Variants in ELAVL2 observed in about 807,000 individuals in gnomAD.
The protein encoded by ELAVL2 is ELAV-like protein 2.
Under a neutral mutation model 34.6 loss-of-function variants are expected in ELAVL2, and 4 were observed. The observed-to-expected ratio is 0.12, with a 90% CI of 0.06 to 0.26. The LOEUF (loss-of-function observed/expected upper bound fraction) is 0.26. Among genes scored for constraint, ELAVL2 ranks in the 10% least tolerant of loss-of-function variants. The pLI, the probability that ELAVL2 is intolerant of heterozygous loss-of-function variation, is 1.00. For missense variants in ELAVL2, 432 were observed against 442.8 expected, an observed-to-expected ratio of 0.98 and a Z score of 0.22; for synonymous variants, 193 against 154.8, an observed-to-expected ratio of 1.25 and a Z score of -1.83.
rs1405985283 is a variant in ELAVL2, at chr9:23,825,797, G to A, written c.-16+9C>T. On this transcript the variant is annotated intron_variant, in intron 1 of 6. Coordinates refer to ENST00000397312, the MANE Select transcript of ELAVL2 (RefSeq NM_004432.5). Reference sequence around the variant, plus strand: ...AACTAATGATTAAAGAAACCAAACCGAAACTTACCTTTCTCCCTTAAGGTT... The same window carrying A: ...AACTAATGATTAAAGAAACCAAACCAAAACTTACCTTTCTCCCTTAAGGTT... 1 of 152,200 alleles carries A rather than the reference G, an allele frequency of 6.6e-6. No individual in the cohort carries two copies. The highest frequency in any genetic ancestry group is 2.4e-5 in the African/African-American group (1 of 41,446). 9.4% of individuals were successfully genotyped at this position (152,200 alleles called of 1,614,324 possible).
chr9:23,744,682 T>C (rs888424287), intron 2 of ELAVL2, among the ~76,000 whole-genome samples: 6 of 151,954 alleles, frequency 3.9e-5, no homozygotes, highest in Non-Finnish European at 7.4e-5. Flanking sequence ...TATACTGAAA[T>C]GGATCTTAAC....
At chr9:23,836,377 A>G in the ELAVL2 span, among the ~76,000 whole-genome samples, 6 of 152,154 alleles carry the variant, frequency 3.9e-5, no homozygotes, top group Admixed American at 2.0e-4. Flanking sequence ...TGTAGATGAT[A>G]TTTCTAGGTT....
At chr9:23,772,096 C>G (rs1483258546) in intron 1 of ELAVL2, among the ~76,000 whole-genome samples, 1 of 152,104 alleles carries the variant, frequency 6.6e-6, no homozygotes, top group Non-Finnish European at 1.5e-5. Flanking sequence ...ATCTGAATTG[C>G]TAAATTAAGA....
upstream of ELAVL2, chr9:23,826,425 C>G (rs41271157): frequency 4.7e-4 from 71 of 152,504 alleles, no homozygotes; most frequent in African/African-American, 1.6e-3. Flanking sequence ...TTGGTCCACA[C>G]GCTTCCATTG....
At chr9:23,769,106 C>T (rs2056860247) in intron 1 of ELAVL2, among the ~76,000 whole-genome samples, 1 of 152,094 alleles carries the variant, frequency 6.6e-6, no homozygotes, top group African/African-American at 2.4e-5. Context: ...AGTACAAAGG[C>T]CTTCCTTCTG....
At chr9:23,803,003 A>C (rs1050999419) in intron 1 of ELAVL2, among the ~76,000 whole-genome samples, 1 of 152,312 alleles carries the variant, frequency 6.6e-6, no homozygotes, top group South Asian at 2.1e-4. Context: ...TTAAGTGTAC[A>C]AAGGGATCCT....
chr9:23,834,783 A>T, the ELAVL2 span, among the ~76,000 whole-genome samples: 1 of 152,176 alleles, frequency 6.6e-6, no homozygotes, highest in Non-Finnish European at 1.5e-5. Context: ...CTGCCCTGTT[A>T]TGTGACTTCA....
In ELAVL2 at chr9:23,798,401, A is replaced by T. The variant is rs184870971; in HGVS notation, c.-16+27405T>A. On this transcript the variant is annotated intron_variant, in intron 1 of 6. Transcript: ENST00000397312. ...TACTGCATCTTTGGGCCTGTAACTT[A>T]AATCACTCTACGTGCCATTTCCTTA... is the stretch of plus-strand genomic sequence containing the variant. Among the ~76,000 whole-genome samples the T allele has an allele frequency of 8.5e-5, 13 of 152,284 alleles. No individual in the cohort carries two copies. The East Asian group carries it at 2.5e-3, about 29-fold the overall frequency.
intron 1 of ELAVL2, among the ~76,000 whole-genome samples, chr9:23,823,313 C>T (rs2065063293): frequency 6.6e-6 from 1 of 152,124 alleles, no homozygotes; most frequent in Non-Finnish European, 1.5e-5. Flanking sequence ...GAAAATGGGC[C>T]TACTTAATTT....
intron 1 of ELAVL2, among the ~76,000 whole-genome samples, chr9:23,801,299 A>G (rs8181128): frequency 0.13 from 19,807 of 152,142 alleles, 1,717 homozygotes; most frequent in East Asian, 0.27. Flanking sequence ...TTTTAAACTC[A>G]AAGAAATTTT....
At chr9:23,754,223 G>T (rs548304389) in intron 2 of ELAVL2, among the ~76,000 whole-genome samples, 11 of 152,034 alleles carry the variant, frequency 7.2e-5, no homozygotes, top group African/African-American at 2.7e-4. Flanking sequence ...AACAAATCTG[G>T]ATGATTAATG....
intron 1 of ELAVL2, among the ~76,000 whole-genome samples, chr9:23,784,772 G>A (rs968508688): frequency 5.9e-5 from 9 of 152,120 alleles, no homozygotes; most frequent in Admixed American, 5.9e-4. Flanking sequence ...ACATCACACT[G>A]CCAATTAACT....
chr9:23,795,973 T>C (rs2060872421), intron 1 of ELAVL2, among the ~76,000 whole-genome samples: 4 of 152,356 alleles, frequency 2.6e-5, no homozygotes, highest in Non-Finnish European at 4.4e-5. Flanking sequence ...ATTACTTTCT[T>C]GATCAATATT....
the ELAVL2 span, among the ~76,000 whole-genome samples, chr9:23,839,935 C>T: frequency 6.6e-6 from 1 of 152,066 alleles, no homozygotes; most frequent in African/African-American, 2.4e-5. Flanking sequence ...GTAATCAAAG[C>T]AGCAAAATTG....
At chr9:23,816,317 TAAAAAAAAAAA>T (rs10717104) in intron 1 of ELAVL2, among the ~76,000 whole-genome samples, 6 of 44,696 alleles carry the variant, frequency 1.3e-4, no homozygotes, top group African/African-American at 3.7e-4. Context: ...AAGCTTTCAG[TAAAAAAAAAAA>T]AAAAAAAAAA....
chr9:23,793,954 G>A (rs1031289197), intron 1 of ELAVL2, among the ~76,000 whole-genome samples: 2 of 152,170 alleles, frequency 1.3e-5, no homozygotes, highest in Non-Finnish European at 2.9e-5. Context: ...AACTTAGCAT[G>A]CACTATATCA....
chr9:23,792,250 G>A (rs1171480742), intron 1 of ELAVL2, among the ~76,000 whole-genome samples: 1 of 152,158 alleles, frequency 6.6e-6, no homozygotes, highest in Non-Finnish European at 1.5e-5. Context: ...ATGTTAAGCA[G>A]GTTAAGTATG....
At position 23,791,586 on chromosome 9, in the gene ELAVL2, G is replaced by A. The variant is rs1219421982; in HGVS notation, c.-15-29337C>T. 2.6e-5 allele frequency among the ~76,000 whole-genome samples: 4 copies of A among 152,044 alleles called. 1 individual carries two copies. Among genetic ancestry groups the A allele is most frequent in the African/African-American group, 7.2e-5 (3 of 41,400 alleles). On this transcript the variant is annotated intron_variant, in intron 1 of 6. Coordinates refer to ENST00000397312, the MANE Select transcript of ELAVL2 (RefSeq NM_004432.5). ...AATAAGGCTAAATGAGGTCATAAGT[G>A]TAAATAATTAAGAATAAATGAGGTC...
chr9:23,723,191 A>G (rs956519258), intron 3 of ELAVL2, among the ~76,000 whole-genome samples: 9 of 152,206 alleles, frequency 5.9e-5, no homozygotes, highest in African/African-American at 1.9e-4. Context: ...ACAATGATAG[A>G]CTGGATTAAG....
Sources: allele counts gnomAD v4.1 joint callset (sites outside exome capture counted in the v4.1 genomes callset), GRCh38; gene constraint gnomAD v4.1.1; transcripts MANE v1.5; gene names NCBI Gene and HGNC (gene_info 2026-07-23, HGNC 2026-07-21).